The following PLCB1 variants were observed in gnomAD, a reference collection of about 807,000 sequenced individuals.
PLCB1 encodes the protein 1-phosphatidylinositol 4,5-bisphosphate phosphodiesterase beta-1.
In PLCB1, 46 loss-of-function variants were observed where a neutral mutation model predicts 161.8. That is an observed-to-expected ratio of 0.28 (90% CI 0.22 to 0.36). The LOEUF (loss-of-function observed/expected upper bound fraction) is 0.36. Among genes scored for constraint, PLCB1 ranks in the 10% least tolerant of loss-of-function variants. The pLI is 1.00. For missense variants in PLCB1, 1,016 were observed against 1,472.5 expected, an observed-to-expected ratio of 0.69 and a Z score of 5.07; for synonymous variants, 517 against 503.7, an observed-to-expected ratio of 1.03 and a Z score of -0.35.
chr20:8,821,529 A>G lies in PLCB1; in HGVS notation c.3423+31268A>G, dbSNP rs1204095148. ...TATATATATATATATATATATATAT[A>G]TATATATATATATATATATATATAT... is the stretch of plus-strand genomic sequence containing the variant. On this transcript the variant is annotated intron_variant, in intron 31 of 31. Coordinates refer to ENST00000338037, the MANE Select transcript of PLCB1 (RefSeq NM_015192.4). 1.7e-4 allele frequency among the ~76,000 whole-genome samples: 17 copies of G among 100,878 alleles called. 1 individual carries two copies. The highest frequency in any genetic ancestry group is 5.2e-4 in the African/African-American group (8 of 15,308). 66.2% of individuals were successfully genotyped at this position (100,878 alleles called of 152,430 possible).
chr20:8,481,869 T>C (rs1024330037), intron 3 of PLCB1, among the ~76,000 whole-genome samples: 11 of 152,184 alleles, frequency 7.2e-5, no homozygotes, highest in South Asian at 4.1e-4. Context: ...ATTTTTTTTT[T>C]CCCCAAGCTG....
chr20:8,160,002 AAAAAAAG>A (rs2051606349), intron 2 of PLCB1, among the ~76,000 whole-genome samples: 1 of 151,374 alleles, frequency 6.6e-6, no homozygotes, highest in Non-Finnish European at 1.5e-5. Flanking sequence ...AAAAAAAAAA[AAAAAAAG>A]AAAAAAAGAA....
At chr20:8,429,454 A>G (rs921816934) in intron 3 of PLCB1, among the ~76,000 whole-genome samples, 1 of 149,862 alleles carries the variant, frequency 6.7e-6, no homozygotes, top group Admixed American at 6.6e-5. Context: ...TATGAATTCA[A>G]TTTTGTGGAT....
chr20:8,217,249 A>C lies in PLCB1; in HGVS notation c.177+66878A>C, dbSNP rs534614959. ...AATATGAAGATTCTAGGGCTAGTGGATCTCTAACCCTAGGTGATCTCTGCA... is the reference window on the plus strand; with the variant it reads ...AATATGAAGATTCTAGGGCTAGTGGCTCTCTAACCCTAGGTGATCTCTGCA... On this transcript the variant is annotated intron_variant, in intron 2 of 31. Coordinates refer to ENST00000338037, the MANE Select transcript of PLCB1 (RefSeq NM_015192.4). Among the ~76,000 whole-genome samples the C allele has an allele frequency of 8.5e-5, 13 of 152,256 alleles. No homozygotes were observed. In the East Asian group the frequency reaches 2.3e-3, roughly 27 times the overall value.
At chr20:8,425,425 T>A (rs1001766371) in intron 3 of PLCB1, among the ~76,000 whole-genome samples, 10 of 152,176 alleles carry the variant, frequency 6.6e-5, no homozygotes, top group African/African-American at 2.4e-4. Context: ...AATCATGTTA[T>A]CTATGGCAGT....
In PLCB1 at chr20:8,815,528, G is replaced by A. The variant is rs897070190; in HGVS notation, c.3423+25267G>A. Among the ~76,000 whole-genome samples, 31 of 152,296 alleles carry A rather than the reference G, an allele frequency of 2.0e-4. 1 individual carries two copies. The highest frequency in any genetic ancestry group is 5.8e-4 in the African/African-American group (24 of 41,560). On this transcript the variant is annotated intron_variant, in intron 31 of 31. Transcript: ENST00000338037. ...CACAAAATTACATAGATGGTAAGAGGTGGTGTTGACACAATTGGAGCTGAC... is the reference window on the plus strand; with the variant it reads ...CACAAAATTACATAGATGGTAAGAGATGGTGTTGACACAATTGGAGCTGAC...
At chr20:8,420,985 A>G (rs960645106) in intron 3 of PLCB1, among the ~76,000 whole-genome samples, 4 of 152,178 alleles carry the variant, frequency 2.6e-5, no homozygotes, top group Admixed American at 2.6e-4. Flanking sequence ...AAGAACTAAA[A>G]AAGCCCAGCT....
At chr20:8,661,482 C>T (rs550729350) in intron 9 of PLCB1, among the ~76,000 whole-genome samples, 10 of 152,014 alleles carry the variant, frequency 6.6e-5, no homozygotes, top group African/African-American at 1.4e-4. Flanking sequence ...CTCCAGCACC[C>T]GTTCAGAAGT....
At chr20:8,247,639 CA>C (rs1980942439) in intron 2 of PLCB1, among the ~76,000 whole-genome samples, 1 of 149,452 alleles carries the variant, frequency 6.7e-6, no homozygotes, top group African/African-American at 2.5e-5. Flanking sequence ...CACATACACG[CA>C]AACACACACA....
At chr20:8,432,976 G>T (rs1208990505) in intron 3 of PLCB1, among the ~76,000 whole-genome samples, 3 of 152,184 alleles carry the variant, frequency 2.0e-5, no homozygotes, top group Admixed American at 6.5e-5. Context: ...TTGATCACAC[G>T]TGGTATCCAT....
chr20:8,399,637 A>G (rs1454698795), intron 3 of PLCB1, among the ~76,000 whole-genome samples: 1 of 152,176 alleles, frequency 6.6e-6, no homozygotes, highest in Non-Finnish European at 1.5e-5. Context: ...CTGCTTTCCA[A>G]CAACCACCTC....
chr20:8,754,536 T>C (rs1298603679), intron 23 of PLCB1, among the ~76,000 whole-genome samples: 2 of 152,224 alleles, frequency 1.3e-5, no homozygotes, highest in Non-Finnish European at 2.9e-5. Flanking sequence ...GGGAAGAATC[T>C]GGTTCATTCC....
chr20:8,446,987 C>G (rs1437957011), intron 3 of PLCB1, among the ~76,000 whole-genome samples: 1 of 152,052 alleles, frequency 6.6e-6, no homozygotes, highest in Non-Finnish European at 1.5e-5. Flanking sequence ...ATCTGGAATT[C>G]TAGATACGTA....
rs1988071241 is a variant in PLCB1, at chr20:8,883,580, G to T, written c.*1731G>T. 6.6e-6 allele frequency: 1 copy of T among 152,090 alleles called. No homozygotes were observed. Among genetic ancestry groups the T allele is most frequent in the African/African-American group, 2.4e-5 (1 of 41,530 alleles). The allele number at this position is 152,090 out of a possible 1,614,324, so 9.4% of individuals were successfully genotyped here. ...AATTGTGTCCTGAAAATTGTTTCAA[G>T]AATTTAATATTTTTATGAAAATTAT... On this transcript the variant is annotated 3_prime_UTR_variant, in exon 32 of 32. Coordinates refer to ENST00000338037, the MANE Select transcript of PLCB1 (RefSeq NM_015192.4).
intron 3 of PLCB1, among the ~76,000 whole-genome samples, chr20:8,413,194 AT>A (rs1979119167): frequency 6.6e-6 from 1 of 152,118 alleles, no homozygotes; most frequent in Non-Finnish European, 1.5e-5. Flanking sequence ...AATTTGCATT[AT>A]TTTTATTTTA....
intron 31 of PLCB1, among the ~76,000 whole-genome samples, chr20:8,844,842 G>A (rs1321444717): frequency 6.6e-6 from 1 of 152,082 alleles, no homozygotes; most frequent in East Asian, 1.9e-4. Context: ...CAGGCACGGT[G>A]GCACACACCT....
At chr20:8,383,628 C>T (rs151283635) in intron 3 of PLCB1, among the ~76,000 whole-genome samples, 1,945 of 152,264 alleles carry the variant, frequency 0.013, 16 homozygotes, top group South Asian at 0.021. Context: ...TTCATAGTGT[C>T]ATTCGTCTTT....
At chr20:8,679,208 C>A (rs1239520270) in intron 9 of PLCB1, among the ~76,000 whole-genome samples, 1 of 152,160 alleles carries the variant, frequency 6.6e-6, no homozygotes, top group African/African-American at 2.4e-5. Context: ...CTGAAAACAT[C>A]TTTTCCCATG....
chr20:8,640,512 A>C (rs1988917149), intron 4 of PLCB1, among the ~76,000 whole-genome samples: 1 of 152,230 alleles, frequency 6.6e-6, no homozygotes, highest in Admixed American at 6.5e-5. Context: ...AATAATTAAC[A>C]CTGAGACTGC....
Sources: gnomAD v4.1 joint callset for allele counts (sites outside exome capture counted in the v4.1 genomes callset) on GRCh38, gnomAD v4.1.1 for gene constraint, MANE v1.5 for transcripts, NCBI Gene and HGNC (gene_info 2026-07-23, HGNC 2026-07-21) for gene names.